STAB1: variants seen among roughly 807,000 people sequenced by gnomAD.
STAB1 encodes stabilin 1, also known as stabilin-1.
A neutral mutation model predicts 332.4 loss-of-function variants in STAB1; 250 were observed. The ratio of observed to expected loss-of-function variants is 0.75; its 90% CI spans 0.68 to 0.84. STAB1 has a LOEUF of 0.84. Ranked by LOEUF, STAB1 falls within the 40% of genes least tolerant of loss-of-function variation. STAB1 has a pLI of 0.00. For synonymous variants in STAB1, 1,475 were observed against 1,390.4 expected (o/e 1.06, Z -1.35); for missense variants, 3,249 against 3,489.7 (o/e 0.93, Z 1.74).
chr3:52,517,816 A>G lies in STAB1; in HGVS notation c.4639-65A>G, dbSNP rs543896736. On this transcript the variant is annotated intron_variant, in intron 44 of 68. Coordinates refer to ENST00000321725, the MANE Select transcript of STAB1 (RefSeq NM_015136.3). ...CAGGGGCCTTCATGGCCTCTTTCACAGGGCTGAGTGGGATAGAGAAGTAGT... is the reference window on the plus strand; with the variant it reads ...CAGGGGCCTTCATGGCCTCTTTCACGGGGCTGAGTGGGATAGAGAAGTAGT... The G allele has an allele frequency of 5.6e-6, 9 of 1,605,096 alleles. 1 individual carries two copies. The South Asian group carries it at 1.0e-4, about 18-fold the overall frequency.
chr3:52,519,213 C>A (rs1454610936), intron 48 of STAB1, 51 bp from the exon 49 acceptor site: 2 of 1,582,942 alleles, frequency 1.3e-6, no homozygotes, highest in Admixed American at 1.7e-5. Context: ...GCCCCGATAG[C>A]TTCCGAGCAC....
chr3:52,503,324 C>G lies in STAB1; in HGVS notation c.695-20C>G, dbSNP rs1253355565. 6.3e-7 allele frequency: 1 copy of G among 1,593,270 alleles called. No individual in the cohort carries two copies. The highest frequency in any genetic ancestry group is 2.3e-5 in the East Asian group (1 of 44,384). On this transcript the variant is annotated intron_variant, in intron 7 of 68. Coordinates refer to ENST00000321725, the MANE Select transcript of STAB1 (RefSeq NM_015136.3). ...CTCCTGGGTGCTTGGCTCACTTGGG[C>G]TCTCTCTCTGCCCTGGCAGCCCCCA...
intron 27 of STAB1, 64 bp from the exon 28 acceptor site, chr3:52,512,532 A>G: frequency 1.2e-6 from 2 of 1,613,092 alleles, no homozygotes; most frequent in Non-Finnish European, 1.7e-6. Flanking sequence ...CTCAGGATCC[A>G]TGGTGGGGAA....
In STAB1 at chr3:52,523,073, C is replaced by T. The variant is rs560050722; in HGVS notation, c.6959C>T (p.Thr2320Met). The change falls in exon 63 of 69, where the codon ACG (threonine) becomes ATG (methionine). Residue 2320 changes from threonine (T) to methionine (M), a missense_variant. Coordinates refer to ENST00000321725, the MANE Select transcript of STAB1 (RefSeq NM_015136.3). Reference protein sequence around the residue: ...RNGFVGDGISTCNGKLLDVLA... With the variant: ...RNGFVGDGISMCNGKLLDVLA... ...GGCTTCGTGGGTGACGGGATCAGCA[C>T]GTGCAATGGGAAGCTGCTGGATGTG... The T allele has an allele frequency of 7.6e-6, 12 of 1,570,862 alleles. No individual in the cohort carries two copies. Among genetic ancestry groups the T allele is most frequent in the African/African-American group, 5.4e-5 (4 of 74,346 alleles).
At position 52,511,637 on chromosome 3, in the gene STAB1, C is replaced by A; in HGVS notation, c.2788-13C>A. The A allele has an allele frequency of 6.2e-7, 1 of 1,606,216 alleles. No individual in the cohort carries two copies. On this transcript the variant is annotated splice_polypyrimidine_tract_variant and intron_variant, in intron 25 of 68. Transcript: ENST00000321725. ...CATCATGAGACAAGGCCGTCTGTTC[C>A]TAACCTTTCCAGAGCCGATGCACCT...
In STAB1 at chr3:52,505,690, T is replaced by C. The variant is rs1356615637; in HGVS notation, c.1604T>C (p.Leu535Pro). The stretch of plus-strand genomic sequence containing the variant: ...CAGAACTGTGGGCTGCCCTCCATCC[T>C]GGACGGACCTGGGCCCTTCACAGTC... The part of the protein sequence containing the change: ...ILENCGLPSI[L>P]DGPGPFTVFA... The change falls in exon 15 of 69, where the codon CTG (leucine) becomes CCG (proline). Residue 535 changes from leucine to proline, a missense_variant. Leu to Pro is a moderately conservative substitution (Grantham distance 98). Coordinates refer to ENST00000321725, the MANE Select transcript of STAB1 (RefSeq NM_015136.3). 1 of 1,613,586 alleles carries C rather than the reference T, an allele frequency of 6.2e-7. No homozygotes were observed. Among genetic ancestry groups the C allele is most frequent in the Non-Finnish European group, 8.5e-7 (1 of 1,180,030 alleles).
chr3:52,505,444 A>T, intron 14 of STAB1, 63 bp downstream of exon 14: 3 of 1,534,664 alleles, frequency 2.0e-6, no homozygotes, highest in Non-Finnish European at 2.7e-6. Context: ...AGGACTCATT[A>T]TCCCAGATTC....
rs1439130632 is a variant in STAB1 at position 52,521,414 on chromosome 3, G to A, written c.5962G>A (p.Gly1988Ser). ...TAGTGACCGTGGCGTGTGCATGGAC[G>A]GCATGAGTGGCAGTGGGCAGTGTCT... is the stretch of plus-strand genomic sequence containing the variant. The part of the protein sequence containing the change: ...PCSDRGVCMD[G>S]MSGSGQCLCR... Residue 1988 changes from glycine (G) to serine (S), a missense_variant, in exon 56 of 69, where the codon GGC becomes AGC. Gly to Ser is a moderately conservative substitution (Grantham distance 56, BLOSUM62 0). Coordinates refer to ENST00000321725, the MANE Select transcript of STAB1 (RefSeq NM_015136.3). The A allele has an allele frequency of 1.7e-5, 28 of 1,613,894 alleles. No individual in the cohort carries two copies. Among genetic ancestry groups the A allele is most frequent in the Admixed American group, 8.3e-5 (5 of 60,006 alleles).
Position 52,516,722 on chromosome 3 carries a change from C to G in STAB1, c.4317C>G (p.Thr1439=). ...NCVQDSAGAS[T]CACAAGYSGN... Reference sequence around the variant, plus strand: ...TGCAGGACTCGGCCGGAGCCTCCACCTGCGCCTGTGCTGCGGGATACTCCG... The same window carrying G: ...TGCAGGACTCGGCCGGAGCCTCCACGTGCGCCTGTGCTGCGGGATACTCCG... The change falls in exon 41 of 69, where the codon ACC becomes ACG. Residue 1439 remains threonine (T), a synonymous_variant. Transcript: ENST00000321725. The G allele has an allele frequency of 2.5e-6, 4 of 1,612,108 alleles. No homozygotes were observed. Among genetic ancestry groups the G allele is most frequent in the Non-Finnish European group, 3.4e-6 (4 of 1,179,840 alleles).
At position 52,523,254 on chromosome 3, in the gene STAB1, G is replaced by T; in HGVS notation, c.7053G>T (p.Arg2351=). 1 of 1,613,340 alleles carries T rather than the reference G, an allele frequency of 6.2e-7. No homozygotes were observed. ...MLLGYANATQ[R]GLDFLDFLDD... is the part of the protein sequence containing the mutation. ...TGGGCTATGCCAATGCCACCCAGCGGGGTCTCGACTTCCTGGACTTCCTGG... is the reference window on the plus strand; with the variant it reads ...TGGGCTATGCCAATGCCACCCAGCGTGGTCTCGACTTCCTGGACTTCCTGG... Residue 2351 remains arginine, a synonymous_variant, in exon 64 of 69, where the codon CGG becomes CGT. Coordinates refer to ENST00000321725, the MANE Select transcript of STAB1 (RefSeq NM_015136.3).
chr3:52,521,635 T>C lies in STAB1; in HGVS notation c.6098T>C (p.Leu2033Pro), dbSNP rs1208189083. The C allele has an allele frequency of 1.9e-6, 3 of 1,613,020 alleles. No homozygotes were observed. Among genetic ancestry groups the C allele is most frequent in the East Asian group, 2.2e-5 (1 of 44,890 alleles). ...GTGCATGGCCGCTGTGATGAGGGCC[T>C]TGGGGGCTCTGGCTCCTGCTTCTGT... The part of the protein sequence containing the change: ...CTVHGRCDEG[L>P]GGSGSCFCDE... Residue 2033 changes from leucine to proline, a missense_variant, in exon 57 of 69, where the codon CTT (leucine) becomes CCT (proline). Coordinates refer to ENST00000321725, the MANE Select transcript of STAB1 (RefSeq NM_015136.3).
chr3:52,497,585 G>A (rs1267936359), intron 1 of STAB1, among the ~76,000 whole-genome samples: 1 of 151,718 alleles, frequency 6.6e-6, no homozygotes, highest in Non-Finnish European at 1.5e-5. Flanking sequence ...GCTAATTTTT[G>A]TGTTTTTATT....
At chr3:52,504,606 C>T (rs1164950120) in intron 11 of STAB1, 57 bp downstream of exon 11, 6 of 1,611,664 alleles carry the variant, frequency 3.7e-6, no homozygotes, top group South Asian at 1.1e-5. Context: ...CCCCTGGATG[C>T]ATCCCCAGTC....
In STAB1 at chr3:52,520,465, C is replaced by A; in HGVS notation, c.5565C>A (p.Gly1855=). 1 of 1,612,732 alleles carries A rather than the reference C, an allele frequency of 6.2e-7. No individual in the cohort carries two copies. The highest frequency in any genetic ancestry group is 8.5e-7 in the Non-Finnish European group (1 of 1,179,914). Residue 1855 remains glycine, a synonymous_variant, in exon 53 of 69, where the codon GGC becomes GGA. Transcript: ENST00000321725. The part of the protein sequence containing the change: ...IVQRHLPFEG[G]LAYGIDQLLE... The stretch of plus-strand genomic sequence containing the variant: ...AGCGGCACTTGCCCTTTGAGGGTGG[C>A]CTGGCCTATGGCATCGACCAGCTGC...
At chr3:52,521,296 G>A (rs1427244311) in intron 55 of STAB1, 65 bp from the exon 56 acceptor site, 26 of 1,602,222 alleles carry the variant, frequency 1.6e-5, no homozygotes, top group Non-Finnish European at 2.2e-5. Context: ...TAGGCTGGAG[G>A]TACGTATATG....
chr3:52,523,731 G>C lies in STAB1; in HGVS notation c.7370G>C (p.Ser2457Thr). The C allele has an allele frequency of 6.2e-7, 1 of 1,600,276 alleles. No individual in the cohort carries two copies. The highest frequency in any genetic ancestry group is 8.6e-7 in the Non-Finnish European group (1 of 1,169,524). Residue 2457 changes from serine (S) to threonine (T), a missense_variant, in exon 66 of 69, where the codon AGC becomes ACC. Ser to Thr is a moderately conservative substitution (Grantham distance 58, BLOSUM62 1). Transcript: ENST00000321725. ...AFNGIIHALA[S>T]PLLAPPQPQA... ...AATGGCATCATCCATGCTCTGGCCA[G>C]CCCCCTCCTGGCACCCCCACAGCCC... is the stretch of plus-strand genomic sequence containing the variant.
Position 52,504,016 on chromosome 3 carries a change from C to G in STAB1, c.1023-12C>G. The G allele has an allele frequency of 6.2e-7, 1 of 1,607,190 alleles. No homozygotes were observed. Among genetic ancestry groups the G allele is most frequent in the Non-Finnish European group, 8.5e-7 (1 of 1,177,276 alleles). On this transcript the variant is annotated splice_polypyrimidine_tract_variant and intron_variant, in intron 9 of 68. Transcript: ENST00000321725. Reference sequence around the variant, plus strand: ...CAGCCTCCGCCCTGACTGGCTCTCCCTGGGAGCCCAGCTGTGTGTGCAGGG... The same window carrying G: ...CAGCCTCCGCCCTGACTGGCTCTCCGTGGGAGCCCAGCTGTGTGTGCAGGG...
chr3:52,504,941 A>T, intron 12 of STAB1, 62 bp from the exon 13 acceptor site: 1 of 1,612,694 alleles, frequency 6.2e-7, no homozygotes, highest in East Asian at 2.2e-5. Flanking sequence ...TGCAGGTGGG[A>T]GGGAGCCTCC....
chr3:52,517,066 C>T lies in STAB1; in HGVS notation c.4446C>T (p.Cys1482=). ...CTKVAPGQRT[C]TCQDGYMGDG... is the part of the protein sequence containing the mutation. ...AGGTGGCACCTGGGCAGCGGACATG[C>T]ACCTGCCAGGATGGCTACATGGGCG... is the stretch of plus-strand genomic sequence containing the variant. The change falls in exon 42 of 69, where the codon TGC becomes TGT. Residue 1482 remains cysteine, a synonymous_variant. Transcript: ENST00000321725. 4 of 1,596,072 alleles carry T rather than the reference C, an allele frequency of 2.5e-6. No homozygotes were observed. The highest frequency in any genetic ancestry group is 3.4e-6 in the Non-Finnish European group (4 of 1,170,702).
Sources: gnomAD v4.1 joint callset for allele counts (sites outside exome capture counted in the v4.1 genomes callset) on GRCh38, gnomAD v4.1.1 for gene constraint, MANE v1.5 for transcripts, NCBI Gene and HGNC (gene_info 2026-07-23, HGNC 2026-07-21) for gene names.